LILRB4: variants seen among roughly 807,000 people sequenced by gnomAD.
LILRB4 encodes the protein leukocyte immunoglobulin-like receptor subfamily B member 4.
A neutral mutation model predicts 55.2 loss-of-function variants in LILRB4; 49 were observed. That is an observed-to-expected ratio of 0.89 (90% confidence interval 0.71 to 1.13). The LOEUF is 1.13. LILRB4 is among the 50% of genes most tolerant of loss of function. The probability of loss-of-function intolerance (pLI) is 0.00; values close to 1 mark genes in which losing one functional copy is unlikely to be tolerated. For synonymous variants in LILRB4, 229 were observed against 213.8 expected (o/e 1.07, Z -0.62); for missense variants, 590 against 555.2 (o/e 1.06, Z -0.63).
chr19:54,668,057 C>T (rs2065380297), exon 12 of LILRB4: 1 of 1,611,864 alleles, frequency 6.2e-7, no homozygotes, highest in Admixed American at 1.7e-5. Flanking sequence ...CATGGAGACT[C>T]AGGACCCCAG....
At chr19:54,663,049 A>G (rs1271302249) in exon 1 of LILRB4, 1 of 1,613,668 alleles carries the variant, frequency 6.2e-7, no homozygotes, top group Admixed American at 1.7e-5. Context: ...CCCCACCTTC[A>G]CGGCTCTGCT....
intron 10 of LILRB4, chr19:54,667,352 C>T (rs1229816961): frequency 1.3e-5 from 8 of 624,062 alleles, no homozygotes; most frequent in Non-Finnish European, 2.0e-5. Flanking sequence ...CTCTAATGGA[C>T]GAGCCCCTGC....
At chr19:54,667,909 G>A (rs201823776) in exon 12 of LILRB4, 39 of 1,605,750 alleles carry the variant, frequency 2.4e-5, no homozygotes, top group Middle Eastern at 1.6e-4. Flanking sequence ...TGTGACCTAC[G>A]CCCGGCTGCA....
At chr19:54,663,673 T>C in intron 2 of LILRB4, 81 bp from the exon 3 acceptor site, 6 of 1,608,940 alleles carry the variant, frequency 3.7e-6, no homozygotes, top group Non-Finnish European at 5.1e-6. Context: ...CTGATGAGGA[T>C]GACGGGGGGG....
At chr19:54,667,371 G>A in intron 10 of LILRB4, 1 of 668,550 alleles carries the variant, frequency 1.5e-6, no homozygotes, top group South Asian at 1.9e-5. Context: ...GCAGGCAGAG[G>A]AAACAGCCGT....
At chr19:54,667,055 A>G (rs901254452) in intron 10 of LILRB4, 12 of 644,284 alleles carry the variant, frequency 1.9e-5, no homozygotes, top group Middle Eastern at 3.6e-4. Context: ...GCTCCCCTTC[A>G]TTCATTCATC....
chr19:54,667,769 A>G (rs373698230), exon 11 of LILRB4: 4 of 1,611,434 alleles, frequency 2.5e-6, no homozygotes, highest in Non-Finnish European at 3.4e-6. Flanking sequence ...GACAGGCAGA[A>G]GAGGACAGAC....
intron 10 of LILRB4, chr19:54,667,197 G>A (rs531349448): frequency 6.2e-4 from 340 of 550,348 alleles, no homozygotes; most frequent in Middle Eastern, 8.7e-4. Context: ...TAAATGCATC[G>A]TGTCCAGGAG....
At chr19:54,668,233 A>G (rs764889717) in exon 12 of LILRB4, 17 of 561,324 alleles carry the variant, frequency 3.0e-5, no homozygotes, top group Non-Finnish European at 4.1e-5. Context: ...TCAATTCACA[A>G]TGAGTTAACT....
At position 54,666,761 on chromosome 19, in the gene LILRB4, C is replaced by G; in HGVS notation, c.1041+12C>G. On this transcript the variant is annotated intron_variant, in intron 10 of 11. Transcript: ENST00000430952. This position sits in a 1 kb window ranked among gnomAD's most constrained non-coding sequence, Gnocchi z 4.8. ...AAATGGACACTCGGGTGAGAACCCG[C>G]CCCTGTCCCCGGCACCAAAGGCCTC... is the stretch of plus-strand genomic sequence containing the variant. 6.2e-7 allele frequency: 1 copy of G among 1,613,320 alleles called. No homozygotes were observed. The highest frequency in any genetic ancestry group is 8.5e-7 in the Non-Finnish European group (1 of 1,179,342).
chr19:54,664,849 G>A (rs2065192934), exon 5 of LILRB4: 2 of 1,612,476 alleles, frequency 1.2e-6, no homozygotes, highest in Non-Finnish European at 1.7e-6. Flanking sequence ...CTCAACAGCT[G>A]GTGAGTCTCA....
In LILRB4 at chr19:54,666,493, A is replaced by G; in HGVS notation, c.988+57A>G. 5 of 1,588,206 alleles carry G rather than the reference A, an allele frequency of 3.1e-6. No homozygotes were observed. The highest frequency in any genetic ancestry group is 4.3e-6 in the Non-Finnish European group (5 of 1,159,308). On this transcript the variant is annotated intron_variant, in intron 9 of 11. Coordinates refer to ENST00000430952, the Ensembl canonical transcript of LILRB4. This position sits in a 1 kb window ranked among gnomAD's most constrained non-coding sequence, Gnocchi z 4.8. ...GTGGAGCTGGGGGTCCCAAAATTTC[A>G]ATAGCAATGGGGGCAGGAGCACAGG...
exon 12 of LILRB4, chr19:54,667,932 C>T (rs1479827818): frequency 1.9e-5 from 30 of 1,613,512 alleles, no homozygotes; most frequent in Non-Finnish European, 2.5e-5. Context: ...GCTTTACCCT[C>T]AGACAGAAGG....
Position 54,663,469 on chromosome 19 carries a change from A to G in LILRB4, c.35-63A>G, listed in dbSNP as rs1179375796. ...AAAAAAAAAAAAAAAAAAAAATCTC[A>G]GGGTAAAGAGAGGACCTGCTCAGGC... On this transcript the variant is annotated intron_variant, in intron 1 of 11. Transcript: ENST00000430952. 64 of 1,480,428 alleles carry G rather than the reference A, an allele frequency of 4.3e-5. 1 individual carries two copies. The South Asian group carries it at 7.6e-4, about 18-fold the overall frequency. The allele number at this position is 1,480,428 out of a possible 1,614,324, so 91.7% of individuals were successfully genotyped here.
In LILRB4 at chr19:54,664,607, G is replaced by A; in HGVS notation, c.655+122G>A. ...GCCAGTGGGGGACTCAGCCCTCAGA[G>A]GGGAGGAGGACAACAGGGGCCCTCC... is the stretch of plus-strand genomic sequence containing the variant. On this transcript the variant is annotated intron_variant, in intron 4 of 11. Coordinates refer to ENST00000430952, the Ensembl canonical transcript of LILRB4. The A allele has an allele frequency of 1.2e-5, 14 of 1,167,170 alleles. 1 individual carries two copies. The South Asian group carries it at 2.1e-4, about 18-fold the overall frequency. The allele number at this position is 1,167,170 out of a possible 1,614,324, so 72.3% of individuals were successfully genotyped here.
chr19:54,668,577 A>G (rs1053655930), downstream of LILRB4: 20 of 152,432 alleles, frequency 1.3e-4, no homozygotes, highest in African/African-American at 4.8e-4. Context: ...TGTAGATGAG[A>G]TAGATGAAAT....
Position 54,666,149 on chromosome 19 carries a change from T to C in LILRB4, c.875-91T>C. The C allele has an allele frequency of 1.5e-6, 2 of 1,338,806 alleles. No homozygotes were observed. The highest frequency in any genetic ancestry group is 2.9e-5 in the African/African-American group (2 of 68,118). 82.9% of individuals were successfully genotyped at this position (1,338,806 alleles called of 1,614,324 possible). On this transcript the variant is annotated intron_variant, in intron 7 of 11. Coordinates refer to ENST00000430952, the Ensembl canonical transcript of LILRB4. The surrounding 1 kb of genome is among the most constrained non-coding windows in gnomAD (Gnocchi z 4.8). Reference sequence around the variant, plus strand: ...AGTATTTAAAACATCCTTGCAAGTGTATTTTCAGGTTTCCTTTCCTCTTGA... The same window carrying C: ...AGTATTTAAAACATCCTTGCAAGTGCATTTTCAGGTTTCCTTTCCTCTTGA...
chr19:54,667,917 G>A lies in LILRB4; in HGVS notation c.1242G>A (p.Leu414=), dbSNP rs79606733. ...CCCAGGATGTGACCTACGCCCGGCT[G>A]CACAGCTTTACCCTCAGACAGAAGG... The change falls in exon 12 of 12, where the codon CTG becomes CTA. Residue 414 remains leucine (L), a synonymous_variant. Coordinates refer to ENST00000430952, the Ensembl canonical transcript of LILRB4. 3.6e-3 allele frequency: 5,858 copies of A among 1,611,656 alleles called. 183 individuals are homozygous for A. The African/African-American group carries it at 0.069, about 19-fold the overall frequency.
Position 54,664,471 on chromosome 19 carries a change from A to G in LILRB4, c.641A>G (p.Glu214Gly), listed in dbSNP as rs2065175585. The G allele has an allele frequency of 2.5e-6, 4 of 1,604,996 alleles. No individual in the cohort carries two copies. The Admixed American group carries it at 6.7e-5, about 27-fold the overall frequency. Residue 214 changes from glutamate to glycine, a missense_variant, in exon 4 of 12, where the codon GAG (glutamate) becomes GGG (glycine). Coordinates refer to ENST00000430952, the Ensembl canonical transcript of LILRB4. ...CTGTCACACCCCAGTGACCCCCTGGAGCTCATAGTCTCAGGTGAGGCTCCT... is the reference window on the plus strand; with the variant it reads ...CTGTCACACCCCAGTGACCCCCTGGGGCTCATAGTCTCAGGTGAGGCTCCT...
Sources: gnomAD v4.1 joint callset for allele counts on GRCh38, gnomAD v4.1.1 for gene constraint, Gnocchi (gnomAD v3.1) non-coding constraint, MANE v1.5 for transcripts, NCBI Gene and HGNC (gene_info 2026-07-23, HGNC 2026-07-21) for gene names.